Variants in SMPD3 observed in about 807,000 individuals in gnomAD.
SMPD3 encodes the protein sphingomyelin phosphodiesterase 3.
Under a neutral mutation model 55.7 loss-of-function variants are expected in SMPD3, and 21 were observed. The observed-to-expected ratio is 0.38, with a 90% CI of 0.27 to 0.54. The LOEUF (loss-of-function observed/expected upper bound fraction) is 0.54. Ranked by LOEUF, SMPD3 falls within the 20% of genes least tolerant of loss-of-function variation. The probability of loss-of-function intolerance (pLI) is 0.80; values close to 1 mark genes in which losing one functional copy is unlikely to be tolerated. For missense variants in SMPD3, 842 were observed against 899.6 expected (o/e 0.94, Z 0.82); for synonymous variants, 457 against 404.3 (o/e 1.13, Z -1.56).
At chr16:68,394,041 T>G (rs191592865) in intron 1 of SMPD3, among the ~76,000 whole-genome samples, 17 of 152,294 alleles carry the variant, frequency 1.1e-4, no homozygotes, top group Middle Eastern at 3.4e-3. Flanking sequence ...AATTTATAAT[T>G]CAAAATTTAC....
chr16:68,363,686 C>A (rs2089386509), intron 6 of SMPD3, 91 bp downstream of exon 6: 3 of 1,443,610 alleles, frequency 2.1e-6, no homozygotes, highest in Admixed American at 1.9e-5. Context: ...CCTTCCCCAG[C>A]AGTGGGGTCT....
chr16:68,437,840 G>T (rs562912977), intron 1 of SMPD3, among the ~76,000 whole-genome samples: 2 of 152,308 alleles, frequency 1.3e-5, no homozygotes, highest in South Asian at 4.1e-4. Flanking sequence ...CATTAGAAAA[G>T]ACATTTTCCT....
chr16:68,374,948 G>T (rs1308124492), intron 2 of SMPD3, among the ~76,000 whole-genome samples: 3 of 152,204 alleles, frequency 2.0e-5, no homozygotes. Flanking sequence ...CCCTGCAGTT[G>T]GCACTAAGGC....
chr16:68,424,683 C>T (rs1312148750), intron 1 of SMPD3, among the ~76,000 whole-genome samples: 4 of 152,202 alleles, frequency 2.6e-5, no homozygotes, highest in East Asian at 3.8e-4. Flanking sequence ...AAGTTACTGT[C>T]TTCATGACTC....
chr16:68,363,051 GA>G (rs2089361782), intron 7 of SMPD3, among the ~76,000 whole-genome samples: 1 of 152,190 alleles, frequency 6.6e-6, no homozygotes, highest in African/African-American at 2.4e-5. Flanking sequence ...TCTCTACTTT[GA>G]AAATGGTCGG....
chr16:68,403,351 G>C (rs1378307815), intron 1 of SMPD3, among the ~76,000 whole-genome samples: 2 of 152,216 alleles, frequency 1.3e-5, no homozygotes, highest in African/African-American at 4.8e-5. Flanking sequence ...ACCAAGAACA[G>C]TGCCAGGCTC....
chr16:68,414,447 C>T lies in SMPD3; in HGVS notation c.-268-27788G>A, dbSNP rs546164390. On this transcript the variant is annotated intron_variant, in intron 1 of 8. Coordinates refer to ENST00000219334, the MANE Select transcript of SMPD3 (RefSeq NM_018667.4). The stretch of plus-strand genomic sequence containing the variant: ...GTGGGGTAGGCTCAGCCTGGTCTCT[C>T]CCACACTGGGCCACCCACTGGAGGA... 1.1e-4 allele frequency among the ~76,000 whole-genome samples: 17 copies of T among 152,350 alleles called. 1 individual carries two copies. The South Asian group carries it at 3.5e-3, about 32-fold the overall frequency.
intron 1 of SMPD3, among the ~76,000 whole-genome samples, chr16:68,421,263 C>T (rs1459511366): frequency 2.0e-5 from 3 of 152,230 alleles, no homozygotes; most frequent in African/African-American, 7.2e-5. Context: ...CCCCCATTCC[C>T]AGCTCTGCCC....
rs2089274498 is a variant in SMPD3 at position 68,361,645 on chromosome 16, G to C, written c.1824C>G (p.Tyr608Ter). ...LLKGNGRRID[Y>*]MLHAEEGLCP... is the part of the protein sequence containing the mutation. ...ACAGCCCCTCCTCTGCATGCAGCAT[G>C]TAGTCGATGCGCCGGCCGTTGCCCT... Residue 608 changes from tyrosine (Y) to a stop codon, truncating the protein, a stop_gained, in exon 8 of 9, where the codon TAC becomes TAG. Coordinates refer to ENST00000219334, the MANE Select transcript of SMPD3 (RefSeq NM_018667.4). LOFTEE classifies it high-confidence loss of function. 1 of 1,611,338 alleles carries C rather than the reference G, an allele frequency of 6.2e-7. No individual in the cohort carries two copies.
At chr16:68,380,999 TTCACATTCAG>T (rs1487155063) in intron 2 of SMPD3, among the ~76,000 whole-genome samples, 1 of 152,238 alleles carries the variant, frequency 6.6e-6, no homozygotes, top group Non-Finnish European at 1.5e-5. Flanking sequence ...AGGGAATCAT[TTCACATTCAG>T]TCTAAAGTTT....
chr16:68,374,093 C>T (rs1167826046), intron 2 of SMPD3, among the ~76,000 whole-genome samples: 1 of 152,258 alleles, frequency 6.6e-6, no homozygotes, highest in East Asian at 1.9e-4. Flanking sequence ...AGACCGCAAG[C>T]TTCAGGAAAG....
intron 3 of SMPD3, chr16:68,367,317 C>T (rs1243628944): frequency 6.6e-6 from 1 of 152,366 alleles, no homozygotes; most frequent in Non-Finnish European, 1.5e-5. Context: ...ACGGCTCAGG[C>T]ACATGATAAA....
intron 1 of SMPD3, among the ~76,000 whole-genome samples, chr16:68,425,461 C>T (rs1423498391): frequency 7.2e-6 from 1 of 139,416 alleles, no homozygotes; most frequent in African/African-American, 2.7e-5. Flanking sequence ...GCTTCCTCAT[C>T]TCTTGGAGAG....
intron 1 of SMPD3, among the ~76,000 whole-genome samples, chr16:68,442,356 A>T (rs1209574289): frequency 6.6e-6 from 1 of 152,228 alleles, no homozygotes; most frequent in Non-Finnish European, 1.5e-5. Context: ...TTCTGCTTAC[A>T]GCACACATTA....
chr16:68,392,835 GAAAAA>G (rs60841057), intron 1 of SMPD3, among the ~76,000 whole-genome samples: 8 of 88,292 alleles, frequency 9.1e-5, no homozygotes, highest in Non-Finnish European at 1.2e-4. Context: ...CGCTGTCTGG[GAAAAA>G]AAAAAAAAAA....
rs1475713135 is a variant in SMPD3 at position 68,358,559 on chromosome 16, A to AAAT, written c.*2644_*2646dup. 2 of 152,678 alleles carry AAAT rather than the reference A, an allele frequency of 1.3e-5. No homozygotes were observed. The highest frequency in any genetic ancestry group is 4.8e-5 in the African/African-American group (2 of 41,468). The allele number at this position is 152,678 out of a possible 1,614,324, so 9.5% of individuals were successfully genotyped here. ...AGATACAATACAGAAAAAAATACAG[A>AAAT]AATTAAAAAAGTTTTTATAACAGTA... On this transcript the variant is annotated 3_prime_UTR_variant, in exon 9 of 9. Transcript: ENST00000219334.
In SMPD3 at chr16:68,371,119, C is replaced by T. The variant is rs1256352209; in HGVS notation, c.1063G>A (p.Ala355Thr). 18 of 1,613,902 alleles carry T rather than the reference C, an allele frequency of 1.1e-5. No homozygotes were observed. Among genetic ancestry groups the T allele is most frequent in the East Asian group, 2.2e-5 (1 of 44,896 alleles). The change falls in exon 3 of 9, where the codon GCC becomes ACC. Residue 355 changes from alanine (A) to threonine (T), a missense_variant. By Grantham distance (58) the Ala-to-Thr change is moderately conservative. Coordinates refer to ENST00000219334, the MANE Select transcript of SMPD3 (RefSeq NM_018667.4). ...TGCAGGCACAGGAAGTCCAGGTTGG[C>T]GGGGAAGAAGGCGGAGACCTCATGG... Reference protein sequence around the residue: ...FDHEVSAFFPANLDFLCLQEV... With the variant: ...FDHEVSAFFPTNLDFLCLQEV...
chr16:68,430,318 T>C (rs999872715), intron 1 of SMPD3, among the ~76,000 whole-genome samples: 1 of 152,204 alleles, frequency 6.6e-6, no homozygotes, highest in Non-Finnish European at 1.5e-5. Flanking sequence ...CTGTGAATAC[T>C]GGGTGCAGAT....
chr16:68,403,430 C>G (rs1013792899), intron 1 of SMPD3, among the ~76,000 whole-genome samples: 1 of 152,136 alleles, frequency 6.6e-6, no homozygotes, highest in Non-Finnish European at 1.5e-5. Context: ...GTGACCTGGC[C>G]TGGCCTCACC....
Sources: allele counts gnomAD v4.1 joint callset (sites outside exome capture counted in the v4.1 genomes callset), GRCh38; gene constraint gnomAD v4.1.1; transcripts MANE v1.5; gene names NCBI Gene and HGNC (gene_info 2026-07-23, HGNC 2026-07-21).